Variants in RALGPS1 observed in about 807,000 individuals in gnomAD.
RALGPS1 encodes Ral GEF with PH domain and SH3 binding motif 1.
In RALGPS1, 19 loss-of-function variants were observed where a neutral mutation model predicts 78.8. The observed-to-expected ratio is 0.24, with a 90% CI of 0.17 to 0.35. The LOEUF is 0.35. Among genes scored for constraint, RALGPS1 ranks in the 10% least tolerant of loss-of-function variants. The probability of loss-of-function intolerance (pLI) is 1.00; values close to 1 mark genes in which losing one functional copy is unlikely to be tolerated. For missense variants in RALGPS1, 454 were observed against 688.3 expected (o/e 0.66, Z 3.81); for synonymous variants, 228 against 256.3 (o/e 0.89, Z 1.06).
chr9:127,191,605 A>C (rs2061036727), intron 11 of RALGPS1, among the ~76,000 whole-genome samples: 1 of 151,754 alleles, frequency 6.6e-6, no homozygotes, highest in South Asian at 2.1e-4. Context: ...CAGTAGGGCA[A>C]GTCTTGCACT....
At chr9:127,170,263 G>C (rs1399583199) in intron 10 of RALGPS1, among the ~76,000 whole-genome samples, 1 of 152,176 alleles carries the variant, frequency 6.6e-6, no homozygotes, top group East Asian at 1.9e-4. Context: ...TTACAGGAGT[G>C]GTCTGCAGCC....
intron 8 of RALGPS1, among the ~76,000 whole-genome samples, chr9:127,126,010 G>A (rs1333850271): frequency 5.3e-5 from 8 of 152,058 alleles, no homozygotes; most frequent in Non-Finnish European, 1.2e-4. Flanking sequence ...GGTGGGTCAG[G>A]GGATGCAGGT....
intron 8 of RALGPS1, among the ~76,000 whole-genome samples, chr9:127,133,216 C>T (rs1454362673): frequency 6.6e-6 from 1 of 152,192 alleles, no homozygotes; most frequent in Non-Finnish European, 1.5e-5. Flanking sequence ...GAGGAGGCAC[C>T]GTGCACCCTG....
intron 13 of RALGPS1, 44 bp from the exon 14 acceptor site, chr9:127,198,971 T>C (rs764328865): frequency 5.3e-5 from 84 of 1,586,940 alleles, no homozygotes; most frequent in Admixed American, 8.3e-5. Flanking sequence ...CAGGCCCCTC[T>C]TCTGTGAAGC....
In RALGPS1 at chr9:127,142,383, C is replaced by T. The variant is rs2057840139; in HGVS notation, c.611-23686C>T. Among the ~76,000 whole-genome samples the T allele has an allele frequency of 2.6e-5, 4 of 152,140 alleles. No homozygotes were observed. The South Asian group carries it at 8.3e-4, about 31-fold the overall frequency. ...GTGGTCTGTGAGATGGGTCAAACTG[C>T]AGACAGCCTAGAATGCCAGGCTAAG... On this transcript the variant is annotated intron_variant, in intron 8 of 18. Coordinates refer to ENST00000259351, the MANE Select transcript of RALGPS1 (RefSeq NM_014636.3).
At chr9:127,159,647 A>G in intron 8 of RALGPS1, among the ~76,000 whole-genome samples, 1 of 152,214 alleles carries the variant, frequency 6.6e-6, no homozygotes, top group East Asian at 1.9e-4. Flanking sequence ...GTTAATACTC[A>G]CAGTCTTCCC....
At chr9:127,055,040 A>AGAGAGAGAGAGAG (rs1589236060) in intron 7 of RALGPS1, among the ~76,000 whole-genome samples, 4 of 146,756 alleles carry the variant, frequency 2.7e-5, no homozygotes, top group Non-Finnish European at 4.5e-5. Context: ...AGAGAGAGAG[A>AGAGAGAGAGAGAG]AGAAATCTCC....
At chr9:126,947,881 G>A (rs2037431417) in intron 1 of RALGPS1, among the ~76,000 whole-genome samples, 1 of 152,214 alleles carries the variant, frequency 6.6e-6, no homozygotes, top group South Asian at 2.1e-4. Flanking sequence ...TGTAGCTACT[G>A]CAGGGATTGT....
chr9:127,052,414 C>T (rs1164629474), intron 6 of RALGPS1, among the ~76,000 whole-genome samples: 1 of 152,216 alleles, frequency 6.6e-6, no homozygotes, highest in Admixed American at 6.5e-5. Flanking sequence ...CGAGCATTGC[C>T]TTCCCAGCTG....
intron 8 of RALGPS1, among the ~76,000 whole-genome samples, chr9:127,083,685 C>T (rs1327287954): frequency 2.0e-5 from 3 of 152,138 alleles, no homozygotes; most frequent in Non-Finnish European, 2.9e-5. Context: ...CTCATTTTTT[C>T]CCCAGTGTCC....
chr9:127,143,687 G>T (rs1241584213), intron 8 of RALGPS1, among the ~76,000 whole-genome samples: 1 of 152,220 alleles, frequency 6.6e-6, no homozygotes, highest in East Asian at 1.9e-4. Context: ...AGTAATGAAT[G>T]CAGACTCTGT....
chr9:126,933,705 G>T (rs1018276170), intron 1 of RALGPS1, among the ~76,000 whole-genome samples: 3 of 152,138 alleles, frequency 2.0e-5, no homozygotes, highest in African/African-American at 7.2e-5. Context: ...TGGTGCACAG[G>T]TGTAGAGTAA....
intron 8 of RALGPS1, among the ~76,000 whole-genome samples, chr9:127,084,302 G>A (rs1045403715): frequency 2.0e-5 from 3 of 152,134 alleles, no homozygotes; most frequent in Non-Finnish European, 4.4e-5. Flanking sequence ...CTGGCCCGTG[G>A]CAACAGGGGA....
chr9:126,971,714 A>G (rs991535609), intron 3 of RALGPS1, among the ~76,000 whole-genome samples: 2 of 152,224 alleles, frequency 1.3e-5, no homozygotes, highest in African/African-American at 2.4e-5. Flanking sequence ...AACCATCACT[A>G]TAAAGACAGA....
At chr9:126,929,921 G>A (rs1159819801) in intron 1 of RALGPS1, among the ~76,000 whole-genome samples, 1 of 152,132 alleles carries the variant, frequency 6.6e-6, no homozygotes, top group Non-Finnish European at 1.5e-5. Context: ...GCTCACTGAA[G>A]TCTTGAACTC....
chr9:127,212,334 G>T lies in RALGPS1; in HGVS notation c.1353+98G>T. ...CTCAGCAAAAGTCACATGCATGGCA[G>T]AGGCTCTGCTTGCAGTGGGCATGCA... On this transcript the variant is annotated intron_variant, in intron 15 of 18. Transcript: ENST00000259351. This position sits in a 1 kb window ranked among gnomAD's most constrained non-coding sequence, Gnocchi z 6.0. The T allele has an allele frequency of 1.1e-6, 1 of 921,106 alleles. No individual in the cohort carries two copies. Among genetic ancestry groups the T allele is most frequent in the Admixed American group, 2.8e-5 (1 of 36,102 alleles). 57.1% of individuals were successfully genotyped at this position (921,106 alleles called of 1,614,324 possible). A position where few individuals can be genotyped will look rare whatever the true frequency, so the allele number is the denominator to read the frequency against.
intron 8 of RALGPS1, among the ~76,000 whole-genome samples, chr9:127,129,671 G>A (rs2138147455): frequency 6.6e-6 from 1 of 152,352 alleles, no homozygotes; most frequent in Admixed American, 6.5e-5. Context: ...GCTGCTGGCA[G>A]CGACCTTTCT....
intron 1 of RALGPS1, among the ~76,000 whole-genome samples, chr9:126,929,501 GAGTGC>G (rs1430384905): frequency 6.6e-6 from 1 of 152,068 alleles, no homozygotes. Flanking sequence ...GACCAGGCTG[GAGTGC>G]AGTGGCGTGA....
intron 8 of RALGPS1, chr9:127,089,071 C>G (rs773125347): frequency 6.2e-7 from 1 of 1,614,194 alleles, no homozygotes; most frequent in Non-Finnish European, 8.5e-7. Context: ...GGTACCAGAC[C>G]CCGTTGAGGT....
Sources: allele counts gnomAD v4.1 joint callset (sites outside exome capture counted in the v4.1 genomes callset), GRCh38; gene constraint gnomAD v4.1.1; non-coding constraint Gnocchi (gnomAD v3.1); transcripts MANE v1.5; gene names NCBI Gene and HGNC (gene_info 2026-07-23, HGNC 2026-07-21).